HDAC4: variants seen among roughly 807,000 people sequenced by gnomAD.
HDAC4 encodes histone deacetylase 4, also known as histone deacetylase A.
In HDAC4, 16 loss-of-function variants were observed where a neutral mutation model predicts 135.1. The observed-to-expected ratio is 0.12, with a 90% CI of 0.08 to 0.18. The LOEUF (loss-of-function observed/expected upper bound fraction) is 0.18, where lower values mean the gene tolerates loss of function less well. Ranked by LOEUF, HDAC4 falls within the 10% of genes least tolerant of loss-of-function variation. HDAC4 has a pLI of 1.00. For missense variants in HDAC4, 1,143 were observed against 1,511.8 expected (o/e 0.76, Z 4.05); for synonymous variants, 685 against 653.4 (o/e 1.05, Z -0.74).
chr2:239,088,446 C>T (rs972242237), intron 18 of HDAC4, among the ~76,000 whole-genome samples: 19 of 152,356 alleles, frequency 1.2e-4, no homozygotes, highest in South Asian at 2.1e-4. Flanking sequence ...GGCCTCCCTG[C>T]GTTTCTGCAC....
chr2:239,193,518 C>G (rs961556539), intron 3 of HDAC4, among the ~76,000 whole-genome samples: 1 of 152,212 alleles, frequency 6.6e-6, no homozygotes, highest in African/African-American at 2.4e-5. Context: ...GAAGGGCCCA[C>G]AGTGGGCTGC....
intron 9 of HDAC4, among the ~76,000 whole-genome samples, chr2:239,138,250 A>G (rs558912738): frequency 6.6e-6 from 1 of 152,340 alleles, no homozygotes; most frequent in East Asian, 1.9e-4. Context: ...TATGAAGTAG[A>G]AAGAGTAAGA....
At chr2:239,105,848 C>T (rs2038078234) in intron 15 of HDAC4, among the ~76,000 whole-genome samples, 1 of 152,170 alleles carries the variant, frequency 6.6e-6, no homozygotes, top group African/African-American at 2.4e-5. Context: ...GCCAGTGACC[C>T]CTGGCAGGCT....
chr2:239,401,581 C>T (rs1709852), upstream of HDAC4: 137,121 of 232,984 alleles, frequency 0.59, 42,977 homozygotes, highest in East Asian at 0.94. Context: ...TTAGAGGGCA[C>T]ACAATGGGGT....
intron 1 of HDAC4, among the ~76,000 whole-genome samples, chr2:239,390,353 C>T (rs1368042090): frequency 6.6e-6 from 1 of 152,050 alleles, no homozygotes; most frequent in South Asian, 2.1e-4. Context: ...GACAACATGG[C>T]GAAACCTCAT....
At chr2:239,259,752 G>A (rs992489656) in intron 2 of HDAC4, among the ~76,000 whole-genome samples, 3 of 152,254 alleles carry the variant, frequency 2.0e-5, no homozygotes, top group African/African-American at 7.2e-5. Flanking sequence ...CTAATGAAGA[G>A]GAAAGATCTC....
intron 2 of HDAC4, among the ~76,000 whole-genome samples, chr2:239,260,413 A>G (rs2049288836): frequency 6.6e-6 from 1 of 152,230 alleles, no homozygotes; most frequent in African/African-American, 2.4e-5. Context: ...TGATACGAGT[A>G]TTAACTAAGT....
intron 2 of HDAC4, among the ~76,000 whole-genome samples, chr2:239,341,573 C>G (rs910686586): frequency 6.6e-6 from 1 of 152,168 alleles, no homozygotes; most frequent in African/African-American, 2.4e-5. Context: ...TGAGTGTGCT[C>G]AGAACAGACT....
At chr2:239,102,949 A>G in intron 15 of HDAC4, 53 bp from the exon 16 acceptor site, 2 of 1,609,726 alleles carry the variant, frequency 1.2e-6, no homozygotes, top group Non-Finnish European at 1.7e-6. Context: ...CTGCTGCTTC[A>G]GCTCCACAGA....
chr2:239,343,449 C>A (rs1692423189), intron 2 of HDAC4, among the ~76,000 whole-genome samples: 1 of 152,244 alleles, frequency 6.6e-6, no homozygotes, highest in African/African-American at 2.4e-5. Flanking sequence ...GATGGCAAAA[C>A]CCATGCTCGT....
chr2:239,204,890 C>T (rs2045954761), intron 3 of HDAC4, among the ~76,000 whole-genome samples: 1 of 152,290 alleles, frequency 6.6e-6, no homozygotes, highest in South Asian at 2.1e-4. Flanking sequence ...CCCCATTGCC[C>T]CCAACAGAGC....
At chr2:239,174,537 T>C (rs1410597996) in intron 5 of HDAC4, among the ~76,000 whole-genome samples, 1 of 152,248 alleles carries the variant, frequency 6.6e-6, no homozygotes, top group African/African-American at 2.4e-5. Context: ...GGAACCCCTG[T>C]ACATGGCTGG....
chr2:239,239,421 C>A (rs1445817030), intron 2 of HDAC4, among the ~76,000 whole-genome samples: 1 of 152,226 alleles, frequency 6.6e-6, no homozygotes, highest in Non-Finnish European at 1.5e-5. Context: ...GCAGGTGCGG[C>A]TGAACATGCT....
chr2:239,358,408 T>G lies in HDAC4; in HGVS notation c.-219-5490A>C, dbSNP rs181091794. ...CAAGCCTCCAATCCAGTCTTTTGTTTGTTTGTTTTTGAGCATTTGCTTACT... is the reference window on the plus strand; with the variant it reads ...CAAGCCTCCAATCCAGTCTTTTGTTGGTTTGTTTTTGAGCATTTGCTTACT... On this transcript the variant is annotated intron_variant, in intron 1 of 26. Transcript: ENST00000543185. 5.0e-3 allele frequency among the ~76,000 whole-genome samples: 756 copies of G among 152,312 alleles called. 4 individuals carry two copies. The highest frequency in any genetic ancestry group is 0.017 in the African/African-American group (713 of 41,552).
intron 2 of HDAC4, among the ~76,000 whole-genome samples, chr2:239,294,763 G>A (rs537483808): frequency 1.1e-4 from 16 of 152,248 alleles, no homozygotes; most frequent in Admixed American, 2.6e-4. Flanking sequence ...GGAGCTCAGC[G>A]TCTCAGCTTC....
rs75649402 is a variant in HDAC4 at position 239,120,289 on chromosome 2, G to A, written c.1534-4979C>T. On this transcript the variant is annotated intron_variant, in intron 12 of 26. Transcript: ENST00000543185. ...GGGGAGCTGAAGAAACAGGGATGAG[G>A]CCTCAGGGACCAGTGGTAGGGTGTC... Among the ~76,000 whole-genome samples the A allele has an allele frequency of 5.0e-3, 759 of 152,234 alleles. 4 individuals are homozygous for A. Among genetic ancestry groups the A allele is most frequent in the Non-Finnish European group, 8.2e-3 (560 of 68,026 alleles).
In HDAC4 at chr2:239,156,792, C is replaced by CA; in HGVS notation, c.612-20dup. 1 of 1,613,984 alleles carries CA rather than the reference C, an allele frequency of 6.2e-7. No individual in the cohort carries two copies. The highest frequency in any genetic ancestry group is 8.5e-7 in the Non-Finnish European group (1 of 1,179,996). ...CGTTTTCCTGGAGAGAAGGCAAAGA[C>CA]AGATGGTTTAGTTTACCCAGCGCAC... On this transcript the variant is annotated intron_variant, in intron 6 of 26. Transcript: ENST00000543185.
At chr2:239,207,586 A>G (rs1400066817) in intron 3 of HDAC4, among the ~76,000 whole-genome samples, 2 of 152,242 alleles carry the variant, frequency 1.3e-5, no homozygotes, top group Admixed American at 1.3e-4. Flanking sequence ...ATAAAAAAAT[A>G]CAAAGGAACA....
intron 2 of HDAC4, among the ~76,000 whole-genome samples, chr2:239,273,081 T>G (rs1575581586): frequency 6.6e-6 from 1 of 152,192 alleles, no homozygotes; most frequent in Non-Finnish European, 1.5e-5. Flanking sequence ...TCAAACGGAC[T>G]TTACACATGT....
Sources: gnomAD v4.1 joint callset for allele counts (sites outside exome capture counted in the v4.1 genomes callset) on GRCh38, gnomAD v4.1.1 for gene constraint, MANE v1.5 for transcripts, NCBI Gene and HGNC (gene_info 2026-07-23, HGNC 2026-07-21) for gene names.